Variants in PDE8B observed in about 807,000 individuals in gnomAD.
PDE8B encodes the protein phosphodiesterase 8B, also known as high affinity cAMP-specific and IBMX-insensitive 3',5'-cyclic phosphodiesterase 8B.
A neutral mutation model predicts 101.3 loss-of-function variants in PDE8B; 26 were observed. The ratio of observed to expected loss-of-function variants is 0.26; its 90% confidence interval spans 0.19 to 0.36. PDE8B has a LOEUF of 0.36. Ranked by LOEUF, PDE8B falls within the 10% of genes least tolerant of loss-of-function variation. The pLI is 1.00. For synonymous variants in PDE8B, 424 were observed against 429.3 expected, an observed-to-expected ratio of 0.99 and a Z score of 0.15; for missense variants, 810 against 1,163.1, an observed-to-expected ratio of 0.70 and a Z score of 4.42.
In PDE8B at chr5:77,315,872, T is replaced by C. The variant is rs114398854; in HGVS notation, c.399+3819T>C. 1.9e-3 allele frequency among the ~76,000 whole-genome samples: 295 copies of C among 152,320 alleles called. 1 individual carries two copies. The highest frequency in any genetic ancestry group is 6.5e-3 in the African/African-American group (271 of 41,582). On this transcript the variant is annotated intron_variant, in intron 2 of 21. Transcript: ENST00000264917. ...AATATTGCCAGGCCAGCTGCCTTTC[T>C]TTAACATTTTCCTAGTTATCTTTTT...
chr5:77,286,507 A>T (rs1345720754), intron 1 of PDE8B, among the ~76,000 whole-genome samples: 1 of 152,172 alleles, frequency 6.6e-6, no homozygotes, highest in Admixed American at 6.5e-5. Flanking sequence ...AACTCACCAG[A>T]TGCTAGATTC....
the PDE8B span, chr5:77,141,852 GT>G: frequency 6.6e-6 from 1 of 151,978 alleles, no homozygotes; most frequent in East Asian, 1.9e-4. Context: ...ACATATTCAC[GT>G]TCTATTTTGA....
chr5:77,127,374 A>G, the PDE8B span, among the ~76,000 whole-genome samples: 1 of 151,110 alleles, frequency 6.6e-6, no homozygotes, highest in Non-Finnish European at 1.5e-5. Context: ...TACACTTCTC[A>G]CTCCCGCCAC....
At chr5:77,105,574 A>G in the PDE8B span, 1 of 152,208 alleles carries the variant, frequency 6.6e-6, no homozygotes, top group South Asian at 2.1e-4. Context: ...TAAGTAAGCC[A>G]AGGAGCATCT....
chr5:77,218,342 C>T (rs1293283760), intron 1 of PDE8B, among the ~76,000 whole-genome samples: 1 of 152,134 alleles, frequency 6.6e-6, no homozygotes, highest in Non-Finnish European at 1.5e-5. Flanking sequence ...ATGAGCTACA[C>T]GTTATTATTT....
chr5:77,197,393 A>G, the PDE8B span, among the ~76,000 whole-genome samples: 2 of 152,112 alleles, frequency 1.3e-5, no homozygotes, highest in African/African-American at 4.8e-5. Flanking sequence ...CTGGGAGTAC[A>G]GGTGTGAGCC....
At chr5:77,323,631 C>G (rs1185708610) in intron 2 of PDE8B, among the ~76,000 whole-genome samples, 3 of 152,100 alleles carry the variant, frequency 2.0e-5, no homozygotes, top group African/African-American at 7.2e-5. Context: ...ATTATTGTTT[C>G]TACTTTTCTA....
chr5:77,275,062 ATC>A (rs1763573915), intron 1 of PDE8B, among the ~76,000 whole-genome samples: 1 of 152,320 alleles, frequency 6.6e-6, no homozygotes, highest in African/African-American at 2.4e-5. Flanking sequence ...ACCACATAGT[ATC>A]ACACACACAC....
chr5:77,291,657 A>AT (rs1767374846), intron 1 of PDE8B: 1 of 1,596,674 alleles, frequency 6.3e-7, no homozygotes, highest in Non-Finnish European at 8.6e-7. Flanking sequence ...TGGGGCTGAG[A>AT]TTGGAGGTGC....
At chr5:77,278,843 G>C (rs1042478100) in intron 1 of PDE8B, among the ~76,000 whole-genome samples, 1 of 151,968 alleles carries the variant, frequency 6.6e-6, no homozygotes, top group Non-Finnish European at 1.5e-5. Context: ...AATTTTTTAC[G>C]CTTTTTATCT....
intron 1 of PDE8B, among the ~76,000 whole-genome samples, chr5:77,299,528 T>C (rs1361610291): frequency 1.3e-5 from 2 of 149,332 alleles, no homozygotes; most frequent in South Asian, 2.2e-4. Flanking sequence ...CGGTATTTGG[T>C]TTTTTGTCCT....
At chr5:77,210,631 G>A (rs1457337967), upstream of PDE8B, 2,183 of 981,994 alleles carry the variant, frequency 2.2e-3, no homozygotes, top group Non-Finnish European at 2.5e-3. This position sits in a 1 kb window ranked among gnomAD's most constrained non-coding sequence, Gnocchi z 4.9. Flanking sequence ...GAGCGTGTTT[G>A]GGGCGCCGCG....
At chr5:77,258,365 C>G (rs557125239) in intron 1 of PDE8B, among the ~76,000 whole-genome samples, 1 of 151,230 alleles carries the variant, frequency 6.6e-6, no homozygotes, top group Non-Finnish European at 1.5e-5. Flanking sequence ...GGAGCATGGT[C>G]CATTGTAGAC....
intron 6 of PDE8B, among the ~76,000 whole-genome samples, chr5:77,337,694 G>A (rs985650112): frequency 3.9e-5 from 6 of 152,124 alleles, no homozygotes; most frequent in African/African-American, 1.2e-4. Context: ...AACTAATGGC[G>A]ATATTTATCA....
intron 10 of PDE8B, among the ~76,000 whole-genome samples, chr5:77,392,929 G>C (rs1790242788): frequency 6.6e-6 from 1 of 152,144 alleles, no homozygotes; most frequent in Admixed American, 6.5e-5. Flanking sequence ...AATTTGAATA[G>C]TAGAAATATA....
upstream of PDE8B, among the ~76,000 whole-genome samples, chr5:77,208,614 G>A (rs774509719): frequency 3.3e-5 from 5 of 152,146 alleles, no homozygotes; most frequent in Non-Finnish European, 5.9e-5. Context: ...GTTCTTACAG[G>A]CATGGATGGG....
chr5:77,317,533 G>A (rs1774026343), intron 2 of PDE8B, among the ~76,000 whole-genome samples: 1 of 152,208 alleles, frequency 6.6e-6, no homozygotes, highest in African/African-American at 2.4e-5. Context: ...GTGCAGAGTG[G>A]TGCTGTGGAG....
chr5:77,127,301 G>T, the PDE8B span, among the ~76,000 whole-genome samples: 1 of 152,086 alleles, frequency 6.6e-6, no homozygotes, highest in Non-Finnish European at 1.5e-5. Flanking sequence ...TGCTGTTCTC[G>T]TGATAATGAG....
the PDE8B span, among the ~76,000 whole-genome samples, chr5:77,101,135 G>GA: frequency 7.5e-6 from 1 of 133,308 alleles, no homozygotes; most frequent in African/African-American, 2.7e-5. Context: ...ACGCCTGCCT[G>GA]TTTTTTTTTT....
Sources: allele counts gnomAD v4.1 joint callset (sites outside exome capture counted in the v4.1 genomes callset), GRCh38; gene constraint gnomAD v4.1.1; non-coding constraint Gnocchi (gnomAD v3.1); transcripts MANE v1.5; gene names NCBI Gene and HGNC (gene_info 2026-07-23, HGNC 2026-07-21).